Variants in CEPT1 observed in about 807,000 individuals in gnomAD.
CEPT1 encodes choline/ethanolamine phosphotransferase 1.
Under a neutral mutation model 42.6 loss-of-function variants are expected in CEPT1, and 7 were observed. The observed-to-expected ratio is 0.16, with a 90% CI of 0.09 to 0.31. CEPT1 has a LOEUF of 0.31. CEPT1 is among the 10% of genes least tolerant of loss of function. The pLI, the probability that CEPT1 is intolerant of heterozygous loss-of-function variation, is 1.00. For missense variants in CEPT1, 306 were observed against 502.1 expected (o/e 0.61, Z 3.73); for synonymous variants, 171 against 171.9 (o/e 0.99, Z 0.04).
chr1:111,166,005 G>A (rs4839104), intron 4 of CEPT1, among the ~76,000 whole-genome samples: 23,407 of 152,076 alleles, frequency 0.15, 2,190 homozygotes, highest in South Asian at 0.28. Context: ...TAATCCCTGC[G>A]TAGAATCTAT....
rs960924521 is a variant in CEPT1, at chr1:111,147,895, C to T, written c.181C>T (p.Arg61Trp). 1.9e-5 allele frequency: 30 copies of T among 1,614,056 alleles called. No homozygotes were observed. Among genetic ancestry groups the T allele is most frequent in the Non-Finnish European group, 2.5e-5 (29 of 1,180,032 alleles). Reference sequence around the variant, plus strand: ...AGAACACAGATATCAAAGTGCTGGACGGTCCCTGCTTGAGCCCTTAATGCA... The same window carrying T: ...AGAACACAGATATCAAAGTGCTGGATGGTCCCTGCTTGAGCCCTTAATGCA... ...LEEHRYQSAG[R>W]SLLEPLMQGY... Residue 61 changes from arginine to tryptophan, a missense_variant, in exon 2 of 9, where the codon CGG (arginine) becomes TGG (tryptophan). Arg to Trp is a moderately radical substitution (Grantham distance 101, BLOSUM62 -3). This residue lies in a region of CEPT1 where 253 missense variants were observed against 447.3 expected (regional missense o/e 0.57). Coordinates refer to ENST00000357172, the MANE Select transcript of CEPT1 (RefSeq NM_006090.5).
chr1:111,179,529 TG>T (rs1296322609), intron 5 of CEPT1: 1 of 152,180 alleles, frequency 6.6e-6, no homozygotes, highest in East Asian at 1.9e-4. Flanking sequence ...CTTTTTGACT[TG>T]AGGGAGAGAG....
intron 4 of CEPT1, among the ~76,000 whole-genome samples, chr1:111,172,897 C>T (rs1656494808): frequency 6.6e-6 from 1 of 152,168 alleles, no homozygotes; most frequent in Non-Finnish European, 1.5e-5. Context: ...TCATCTAATA[C>T]AATGTCAGTA....
intron 3 of CEPT1, 144 bp downstream of exon 3, chr1:111,159,671 A>C: frequency 1.7e-6 from 1 of 576,920 alleles, no homozygotes; most frequent in Non-Finnish European, 2.8e-6. Context: ...GAACCTAGTT[A>C]ATATTTGTTC....
At chr1:111,146,810 C>T (rs942749770) in intron 1 of CEPT1, among the ~76,000 whole-genome samples, 1 of 151,794 alleles carries the variant, frequency 6.6e-6, no homozygotes, top group African/African-American at 2.4e-5. Context: ...TTTCCTTCTA[C>T]TTCCTCAGTT....
intron 4 of CEPT1, among the ~76,000 whole-genome samples, chr1:111,165,044 CTTTTTTTT>C (rs11323094): frequency 1.3e-4 from 11 of 83,976 alleles, no homozygotes; most frequent in African/African-American, 5.5e-4. Context: ...AAACATCGGT[CTTTTTTTT>C]TTTTTTTTTT....
At chr1:111,176,166 C>G (rs961574071) in intron 5 of CEPT1, among the ~76,000 whole-genome samples, 4 of 152,110 alleles carry the variant, frequency 2.6e-5, no homozygotes, top group African/African-American at 9.7e-5. Flanking sequence ...TGGGAAAATT[C>G]TGAAACTATT....
chr1:111,169,919 AC>A, intron 4 of CEPT1, among the ~76,000 whole-genome samples: 1 of 152,158 alleles, frequency 6.6e-6, no homozygotes, highest in Non-Finnish European at 1.5e-5. Flanking sequence ...TGGAAAAGTC[AC>A]TTGACCTTTC....
intron 5 of CEPT1, among the ~76,000 whole-genome samples, chr1:111,175,728 T>A (rs2101381402): frequency 6.6e-6 from 1 of 152,332 alleles, no homozygotes; most frequent in East Asian, 1.9e-4. Context: ...ATAGTGCCTG[T>A]CAAATAATAA....
intron 1 of CEPT1, among the ~76,000 whole-genome samples, chr1:111,144,271 G>A (rs1354756777): frequency 6.6e-6 from 1 of 152,164 alleles, no homozygotes; most frequent in Non-Finnish European, 1.5e-5. Flanking sequence ...TGAACCTGTG[G>A]TAGTGACTGC....
chr1:111,182,987 T>C, intron 7 of CEPT1, 30 bp downstream of exon 7: 1 of 1,595,292 alleles, frequency 6.3e-7, no homozygotes, highest in Middle Eastern at 1.7e-4. Context: ...TTTGCTGTGT[T>C]TTTCACTTTC....
At chr1:111,184,163 G>T in intron 8 of CEPT1, 28 bp from the exon 9 acceptor site, 1 of 1,611,410 alleles carries the variant, frequency 6.2e-7, no homozygotes, top group Non-Finnish European at 8.5e-7. Flanking sequence ...GCCTAAACGG[G>T]TGCTGAGAAT....
At chr1:111,148,968 C>T (rs924896050) in intron 2 of CEPT1, among the ~76,000 whole-genome samples, 3 of 152,126 alleles carry the variant, frequency 2.0e-5, no homozygotes, top group African/African-American at 7.2e-5. Flanking sequence ...CACAACATTC[C>T]TTACCTTGTT....
chr1:111,145,019 AT>A (rs542392286), intron 1 of CEPT1, among the ~76,000 whole-genome samples: 1,871 of 146,430 alleles, frequency 0.013, 9 homozygotes, highest in Middle Eastern at 0.021. Context: ...TGAAATATTA[AT>A]TTTTTTTTTT....
intron 5 of CEPT1, chr1:111,179,743 A>G (rs1656878696): frequency 6.6e-6 from 1 of 152,138 alleles, no homozygotes; most frequent in South Asian, 2.1e-4. Context: ...ATGTTTCTTC[A>G]TACTCTCCCA....
chr1:111,155,543 TG>T (rs1459951069), intron 2 of CEPT1, among the ~76,000 whole-genome samples: 1 of 151,772 alleles, frequency 6.6e-6, no homozygotes, highest in Non-Finnish European at 1.5e-5. Flanking sequence ...TTCACTTTTT[TG>T]GGGGTTTTTT....
intron 1 of CEPT1, among the ~76,000 whole-genome samples, 167 bp from the exon 2 acceptor site, chr1:111,147,475 A>G (rs1301346115): frequency 2.0e-5 from 3 of 152,238 alleles, no homozygotes; most frequent in African/African-American, 4.8e-5. Context: ...TACACTTTCA[A>G]TAAGAACTAG....
intron 4 of CEPT1, among the ~76,000 whole-genome samples, chr1:111,170,656 TAATG>T (rs1353927483): frequency 1.3e-5 from 2 of 152,174 alleles, no homozygotes; most frequent in African/African-American, 4.8e-5. Context: ...GTAGAATCTA[TAATG>T]AATGTCATGC....
intron 1 of CEPT1, among the ~76,000 whole-genome samples, chr1:111,143,301 TG>T (rs1370313134): frequency 6.6e-6 from 1 of 152,230 alleles, no homozygotes; most frequent in African/African-American, 2.4e-5. Flanking sequence ...CTAAAACGTC[TG>T]GCTCCTTCTT....
Sources: allele counts gnomAD v4.1 joint callset (sites outside exome capture counted in the v4.1 genomes callset), GRCh38; gene constraint gnomAD v4.1.1; regional missense constraint gnomAD v4.1.1; transcripts MANE v1.5; gene names NCBI Gene and HGNC (gene_info 2026-07-23, HGNC 2026-07-21).